CXADR: variants seen among roughly 807,000 people sequenced by gnomAD.
The protein encoded by CXADR is CXADR cell adhesion molecule, also known as coxsackievirus and adenovirus receptor.
CXADR carries 20 observed loss-of-function variants against 40.3 expected under a neutral mutation model. That is an observed-to-expected ratio of 0.50 (90% CI 0.35 to 0.72). The LOEUF (loss-of-function observed/expected upper bound fraction) is 0.72. Ranked by LOEUF, CXADR falls within the 30% of genes least tolerant of loss-of-function variation. The pLI is 0.01. For synonymous variants in CXADR, 150 were observed against 161.3 expected (o/e 0.93, Z 0.53); for missense variants, 332 against 449.1 (o/e 0.74, Z 2.36).
intron 7 of CXADR, among the ~76,000 whole-genome samples, chr21:17,586,898 CCCA>C (rs1180006959): frequency 6.6e-6 from 1 of 152,102 alleles, no homozygotes; most frequent in Non-Finnish European, 1.5e-5. Context: ...CTCCCCTCAC[CCCA>C]CAACAGTCCC....
downstream of CXADR, among the ~76,000 whole-genome samples, chr21:17,574,998 C>T (rs1236201360): frequency 7.9e-5 from 3 of 38,050 alleles, no homozygotes; most frequent in East Asian, 3.3e-3. Context: ...TATATACACA[C>T]ACATACATAC....
the CXADR span, among the ~76,000 whole-genome samples, chr21:17,623,400 T>C: frequency 6.6e-6 from 1 of 152,178 alleles, no homozygotes; most frequent in Non-Finnish European, 1.5e-5. Context: ...CTTACTGATA[T>C]GTTTGTATTC....
At position 17,558,970 on chromosome 21, in the gene CXADR, T is replaced by G. The variant is rs749434975; in HGVS notation, c.416-6T>G. Reference sequence around the variant, plus strand: ...ATGTAAATTTATAATTTGTTTTCTCTTTCAGTTAAGCCTTCAGGTGCGAGA... The same window carrying G: ...ATGTAAATTTATAATTTGTTTTCTCGTTCAGTTAAGCCTTCAGGTGCGAGA... On this transcript the variant is annotated splice_region_variant and splice_polypyrimidine_tract_variant and intron_variant, in intron 3 of 6. Transcript: ENST00000284878. 23 of 1,602,922 alleles carry G rather than the reference T, an allele frequency of 1.4e-5. No homozygotes were observed. Among genetic ancestry groups the G allele is most frequent in the East Asian group, 2.2e-5 (1 of 44,762 alleles).
At chr21:17,530,094 G>A (rs978111733) in intron 1 of CXADR, among the ~76,000 whole-genome samples, 16 of 144,754 alleles carry the variant, frequency 1.1e-4, no homozygotes, top group Non-Finnish European at 2.2e-4. Flanking sequence ...GACTACAGGC[G>A]CATGCCACCA....
At chr21:17,598,781 T>C in the CXADR span, 2 of 1,614,176 alleles carry the variant, frequency 1.2e-6, no homozygotes, top group Non-Finnish European at 1.7e-6. Context: ...TCATCTTTAT[T>C]TTCAAAGCTG....
chr21:17,553,866 C>T (rs1345237451), intron 3 of CXADR, among the ~76,000 whole-genome samples: 1 of 152,116 alleles, frequency 6.6e-6, no homozygotes, highest in Non-Finnish European at 1.5e-5. Flanking sequence ...ATCTGCCTGC[C>T]TTGGCCTCCC....
At chr21:17,607,122 C>T in the CXADR span, among the ~76,000 whole-genome samples, 2 of 152,160 alleles carry the variant, frequency 1.3e-5, no homozygotes, top group Admixed American at 6.6e-5. Context: ...TCAAATACAG[C>T]TTTAAAATGA....
chr21:17,519,647 G>T (rs978251893), intron 1 of CXADR, among the ~76,000 whole-genome samples: 1 of 152,258 alleles, frequency 6.6e-6, no homozygotes. Flanking sequence ...TTAAATGTCA[G>T]CCTTCCTTAT....
At chr21:17,622,328 A>G in the CXADR span, among the ~76,000 whole-genome samples, 1 of 152,052 alleles carries the variant, frequency 6.6e-6, no homozygotes, top group African/African-American at 2.4e-5. Flanking sequence ...TTAGTATATT[A>G]ATAATGTTTG....
the CXADR span, among the ~76,000 whole-genome samples, chr21:17,635,064 G>C: frequency 6.6e-6 from 1 of 152,220 alleles, no homozygotes; most frequent in East Asian, 1.9e-4. Context: ...ATGGATGGAA[G>C]TTGTAACAAA....
chr21:17,565,323 G>T, intron 6 of CXADR, 105 bp from the exon 7 acceptor site: 2 of 1,214,184 alleles, frequency 1.6e-6, no homozygotes, highest in South Asian at 1.5e-5. Flanking sequence ...ACTTTTATAT[G>T]TTTAGTACCT....
rs2061223761 is a variant in CXADR at position 17,567,386 on chromosome 21, A to G, written c.*1694A>G. 4 of 984,844 alleles carry G rather than the reference A, an allele frequency of 4.1e-6. No individual in the cohort carries two copies. Among genetic ancestry groups the G allele is most frequent in the Non-Finnish European group, 3.6e-6 (3 of 829,416 alleles). 61.0% of individuals were successfully genotyped at this position (984,844 alleles called of 1,614,324 possible). ...TAACCTTATGTAAAATTACTTTTATACTCGTGTTAACATTTTCATCTGTGC... is the reference window on the plus strand; with the variant it reads ...TAACCTTATGTAAAATTACTTTTATGCTCGTGTTAACATTTTCATCTGTGC... On this transcript the variant is annotated 3_prime_UTR_variant, in exon 7 of 7. Transcript: ENST00000284878.
At chr21:17,532,593 T>C (rs1338164781) in intron 1 of CXADR, among the ~76,000 whole-genome samples, 2 of 152,188 alleles carry the variant, frequency 1.3e-5, no homozygotes, top group African/African-American at 4.8e-5. Flanking sequence ...CATTTCAGTG[T>C]CATTTTTTTT....
downstream of CXADR, among the ~76,000 whole-genome samples, chr21:17,574,998 C>CATACATACAT (rs144927360): frequency 2.9e-4 from 11 of 38,050 alleles, no homozygotes; most frequent in Admixed American, 2.3e-3. Flanking sequence ...TATATACACA[C>CATACATACAT]ACATACATAC....
At chr21:17,586,504 T>C (rs759631013) in intron 7 of CXADR, among the ~76,000 whole-genome samples, 15 of 150,732 alleles carry the variant, frequency 1.0e-4, no homozygotes, top group Non-Finnish European at 1.9e-4. Context: ...TCTCACTTTG[T>C]TGCCTAAGTT....
rs1600972405 is a variant in CXADR, at chr21:17,534,098, A to AT, written c.44-12928dup. On this transcript the variant is annotated intron_variant, in intron 1 of 6. Transcript: ENST00000284878. The stretch of plus-strand genomic sequence containing the variant: ...CACACACACATATATATATATATAT[A>AT]TATTTTTTTTTTTTTTTTTTTTTTT... Among the ~76,000 whole-genome samples the AT allele has an allele frequency of 2.3e-3, 198 of 86,566 alleles. 2 individuals carry two copies. Among genetic ancestry groups the AT allele is most frequent in the East Asian group, 5.1e-3 (14 of 2,736 alleles). 56.8% of individuals were successfully genotyped at this position (86,566 alleles called of 152,430 possible). A position where few individuals can be genotyped will look rare whatever the true frequency, so the allele number is the denominator to read the frequency against.
Position 17,569,545 on chromosome 21 carries a change from C to A in CXADR, c.*3853C>A. 1.0e-6 allele frequency: 1 copy of A among 985,220 alleles called. No individual in the cohort carries two copies. The highest frequency in any genetic ancestry group is 1.7e-5 in the African/African-American group (1 of 57,304). The allele number at this position is 985,220 out of a possible 1,614,324, so 61.0% of individuals were successfully genotyped here. ...AACACTAAAATAGACCACAACTGAG[C>A]ACAAATTCCTTTTATAAATGTTATA... On this transcript the variant is annotated 3_prime_UTR_variant, in exon 7 of 7. Transcript: ENST00000284878.
At chr21:17,593,244 G>T in exon 8 of CXADR, 2 of 1,357,298 alleles carry the variant, frequency 1.5e-6, no homozygotes, top group Non-Finnish European at 9.6e-7. Flanking sequence ...CTTTATTTTA[G>T]GCCTCTAGTA....
rs151098686 is a variant in CXADR at position 17,586,959 on chromosome 21, A to G, written c.1018-6193A>G. ...TGTGTCCATGTGTTCTCGTTGTTCA[A>G]TTCCCACCTATGAGTGAGAACATGC... On this transcript the variant is annotated intron_variant, in intron 7 of 7. Coordinates refer to the CXADR transcript ENST00000400169. Among the ~76,000 whole-genome samples the G allele has an allele frequency of 7.1e-3, 1,086 of 152,036 alleles. 13 individuals are homozygous for G. The highest frequency in any genetic ancestry group is 0.025 in the African/African-American group (1,023 of 41,444).
Sources: gnomAD v4.1 joint callset for allele counts (sites outside exome capture counted in the v4.1 genomes callset) on GRCh38, gnomAD v4.1.1 for gene constraint, MANE v1.5 for transcripts, NCBI Gene and HGNC (gene_info 2026-07-23, HGNC 2026-07-21) for gene names.